The following ANKRD6 variants were observed in gnomAD, a reference collection of about 807,000 sequenced individuals.
ANKRD6 encodes the protein ankyrin repeat domain 6, also known as ankyrin repeat domain-containing protein 6.
Under a neutral mutation model 82.3 loss-of-function variants are expected in ANKRD6, and 56 were observed. The ratio of observed to expected loss-of-function variants is 0.68; its 90% CI spans 0.55 to 0.85. ANKRD6 has a LOEUF of 0.85. ANKRD6 is among the 40% of genes least tolerant of loss of function. ANKRD6 has a pLI of 0.00. For missense variants in ANKRD6, 852 were observed against 907.6 expected, an observed-to-expected ratio of 0.94 and a Z score of 0.79; for synonymous variants, 347 against 352.1, an observed-to-expected ratio of 0.99 and a Z score of 0.16.
rs2127911436 is a variant in ANKRD6, at chr6:89,433,390, C to G, written c.-144+15C>G. ...GGGAGAGAAAGGTACCAGGCGACCTCGCCGGCTCCCTGGGACCCCCGCTTA... is the reference window on the plus strand; with the variant it reads ...GGGAGAGAAAGGTACCAGGCGACCTGGCCGGCTCCCTGGGACCCCCGCTTA... On this transcript the variant is annotated intron_variant, in intron 1 of 15. Transcript: ENST00000339746. This position sits in a 1 kb window ranked among gnomAD's most constrained non-coding sequence, Gnocchi z 4.3. 6.6e-6 allele frequency: 1 copy of G among 152,312 alleles called. No homozygotes were observed. The highest frequency in any genetic ancestry group is 2.1e-4 in the South Asian group (1 of 4,832). The allele number at this position is 152,312 out of a possible 1,614,324, so 9.4% of individuals were successfully genotyped here.
At chr6:89,484,463 C>G (rs1332657295) in intron 1 of ANKRD6, among the ~76,000 whole-genome samples, 1 of 152,078 alleles carries the variant, frequency 6.6e-6, no homozygotes, top group South Asian at 2.1e-4. Context: ...CTTAAAAAAT[C>G]TTGAAGTAAA....
chr6:89,610,031 GA>G (rs1344341720), intron 5 of ANKRD6, among the ~76,000 whole-genome samples: 1 of 152,180 alleles, frequency 6.6e-6, no homozygotes, highest in Non-Finnish European at 1.5e-5. Flanking sequence ...TTATTCAGCA[GA>G]TGTAGCAGCT....
At chr6:89,572,680 G>T (rs929553870) in intron 2 of ANKRD6, among the ~76,000 whole-genome samples, 1 of 152,018 alleles carries the variant, frequency 6.6e-6, no homozygotes, top group South Asian at 2.1e-4. Flanking sequence ...ATTCCATTTC[G>T]AGTTAATTTT....
chr6:89,527,808 TTTTTG>T (rs1038722287), intron 1 of ANKRD6, among the ~76,000 whole-genome samples: 2 of 151,880 alleles, frequency 1.3e-5, no homozygotes, highest in African/African-American at 4.8e-5. Flanking sequence ...CAATTTTGTT[TTTTTG>T]TTTTGTTTTG....
chr6:89,448,758 C>A (rs1002274281), intron 1 of ANKRD6, among the ~76,000 whole-genome samples: 1 of 152,082 alleles, frequency 6.6e-6, no homozygotes, highest in African/African-American at 2.4e-5. Flanking sequence ...TGGCCGGGTG[C>A]GGTGGCTCAC....
intron 1 of ANKRD6, among the ~76,000 whole-genome samples, chr6:89,471,551 C>A (rs959254255): frequency 1.3e-5 from 2 of 151,428 alleles, no homozygotes; most frequent in Admixed American, 1.3e-4. Flanking sequence ...GAAAAGCCAG[C>A]AAAAGAATGT....
rs1582724977 is a variant in ANKRD6, at chr6:89,461,561, G to A, written c.-144+28186G>A. 7.9e-5 allele frequency among the ~76,000 whole-genome samples: 12 copies of A among 152,190 alleles called. No homozygotes were observed. The East Asian group carries it at 1.5e-3, about 20-fold the overall frequency. On this transcript the variant is annotated intron_variant, in intron 1 of 15. Coordinates refer to ENST00000339746, the MANE Select transcript of ANKRD6 (RefSeq NM_001242809.2). ...ATAATTTAGAATTCAGTTTTTTTTA[G>A]CAGTTCACATTCACTCATAACAACT...
chr6:89,556,419 T>A (rs1023725125), intron 1 of ANKRD6, among the ~76,000 whole-genome samples: 8 of 152,228 alleles, frequency 5.3e-5, no homozygotes, highest in Non-Finnish European at 7.3e-5. Flanking sequence ...TATCTTTTAT[T>A]GAGGACCTGT....
intron 1 of ANKRD6, among the ~76,000 whole-genome samples, chr6:89,499,418 T>G (rs116946276): frequency 0.024 from 3,675 of 152,260 alleles, 69 homozygotes; most frequent in Middle Eastern, 0.048. Context: ...TTTGTCACCT[T>G]TTTGCCACCT....
At chr6:89,509,388 G>A (rs1582995660) in intron 1 of ANKRD6, 2 of 152,134 alleles carry the variant, frequency 1.3e-5, no homozygotes, top group Non-Finnish European at 2.9e-5. Flanking sequence ...CTTTTAGTGC[G>A]GGAGAGCCTT....
intron 13 of ANKRD6, among the ~76,000 whole-genome samples, 196 bp from the exon 14 acceptor site, chr6:89,627,387 G>A (rs916207682): frequency 2.3e-4 from 35 of 152,138 alleles, no homozygotes; most frequent in Non-Finnish European, 4.3e-4. Flanking sequence ...AAAACGAAAC[G>A]TTGGCCTCAT....
chr6:89,627,736 C>T, intron 14 of ANKRD6, 40 bp downstream of exon 14: 1 of 1,579,112 alleles, frequency 6.3e-7, no homozygotes, highest in Non-Finnish European at 8.7e-7. Context: ...TTATGATTTA[C>T]CACACAGGCC....
At position 89,609,820 on chromosome 6, in the gene ANKRD6, T is replaced by C. The variant is rs192487270; in HGVS notation, c.418-2452T>C. 2.4e-3 allele frequency among the ~76,000 whole-genome samples: 369 copies of C among 152,038 alleles called. 3 individuals are homozygous for C. Among genetic ancestry groups the C allele is most frequent in the African/African-American group, 8.6e-3 (358 of 41,448 alleles). On this transcript the variant is annotated intron_variant, in intron 5 of 15. Coordinates refer to ENST00000339746, the MANE Select transcript of ANKRD6 (RefSeq NM_001242809.2). ...AGAGACGAGGTTTCACCATGTTGGC[T>C]GGGATGGTCTTGATCTCTTGATCTT...
chr6:89,538,785 T>C (rs1472740556), intron 1 of ANKRD6, among the ~76,000 whole-genome samples: 1 of 152,022 alleles, frequency 6.6e-6, no homozygotes, highest in Non-Finnish European at 1.5e-5. Flanking sequence ...CCAGTTTGGT[T>C]CCAACTTTTT....
intron 1 of ANKRD6, among the ~76,000 whole-genome samples, chr6:89,455,016 G>T (rs1421691487): frequency 1.3e-5 from 2 of 151,784 alleles, no homozygotes; most frequent in Non-Finnish European, 2.9e-5. Flanking sequence ...AATTTTTTTT[G>T]TATTTTTAGT....
chr6:89,597,200 A>G (rs1385625400), intron 3 of ANKRD6, among the ~76,000 whole-genome samples: 3 of 152,240 alleles, frequency 2.0e-5, no homozygotes, highest in African/African-American at 7.2e-5. Flanking sequence ...TGGGTCATCA[A>G]AGATGTTATT....
chr6:89,515,240 A>G (rs765060947), intron 1 of ANKRD6, among the ~76,000 whole-genome samples: 13 of 152,308 alleles, frequency 8.5e-5, no homozygotes, highest in African/African-American at 2.2e-4. Flanking sequence ...AGGGTGTCCA[A>G]CTGAAGTCTG....
chr6:89,599,512 T>G (rs1796614513), intron 3 of ANKRD6, among the ~76,000 whole-genome samples: 1 of 152,236 alleles, frequency 6.6e-6, no homozygotes, highest in East Asian at 1.9e-4. Context: ...AGTAGCCACT[T>G]GTATGTATTG....
intron 1 of ANKRD6, among the ~76,000 whole-genome samples, chr6:89,555,833 G>A (rs1350908177): frequency 6.6e-6 from 1 of 152,034 alleles, no homozygotes; most frequent in East Asian, 1.9e-4. Context: ...GAGGTTCCAA[G>A]GAGAGGAGAA....
Sources: gnomAD v4.1 joint callset for allele counts (sites outside exome capture counted in the v4.1 genomes callset) on GRCh38, gnomAD v4.1.1 for gene constraint, Gnocchi (gnomAD v3.1) non-coding constraint, MANE v1.5 for transcripts, NCBI Gene and HGNC (gene_info 2026-07-23, HGNC 2026-07-21) for gene names.